GALNT14: variants seen among roughly 807,000 people sequenced by gnomAD.
GALNT14 encodes polypeptide N-acetylgalactosaminyltransferase 14, also known as UDP-GalNAc:polypeptide N-acetylgalactosaminyltransferase 14.
Under a neutral mutation model 77.5 loss-of-function variants are expected in GALNT14, and 60 were observed. The observed-to-expected ratio is 0.77, with a 90% CI of 0.63 to 0.96. The LOEUF (loss-of-function observed/expected upper bound fraction) is 0.96. GALNT14 is among the 40% of genes least tolerant of loss of function. The probability of loss-of-function intolerance (pLI) is 0.00; values close to 1 mark genes in which losing one functional copy is unlikely to be tolerated. For missense variants in GALNT14, 710 were observed against 731.0 expected, an observed-to-expected ratio of 0.97 and a Z score of 0.33; for synonymous variants, 280 against 281.7, an observed-to-expected ratio of 0.99 and a Z score of 0.06.
At chr2:31,024,324 C>T (rs913825828) in intron 1 of GALNT14, among the ~76,000 whole-genome samples, 48 of 152,086 alleles carry the variant, frequency 3.2e-4, no homozygotes, top group African/African-American at 1.1e-3. Flanking sequence ...CATCTTGGCT[C>T]AAAACCTTCT....
intron 1 of GALNT14, among the ~76,000 whole-genome samples, chr2:31,017,617 T>G (rs1212041747): frequency 6.6e-6 from 1 of 152,024 alleles, no homozygotes; most frequent in Non-Finnish European, 1.5e-5. Context: ...CACTACTCCC[T>G]GGGGGCCCAC....
At chr2:30,901,484 C>A in the GALNT14 span, among the ~76,000 whole-genome samples, 1 of 149,694 alleles carries the variant, frequency 6.7e-6, no homozygotes, top group East Asian at 2.0e-4. Flanking sequence ...CACAAACACA[C>A]AACATATATA....
At chr2:30,941,116 G>A (rs1666352724) in intron 9 of GALNT14, among the ~76,000 whole-genome samples, 1 of 152,236 alleles carries the variant, frequency 6.6e-6, no homozygotes, top group Admixed American at 6.5e-5. Context: ...GCTGGGATGT[G>A]CCCCATGGAT....
intron 1 of GALNT14, among the ~76,000 whole-genome samples, chr2:31,071,381 T>C (rs1675353023): frequency 6.6e-6 from 1 of 152,178 alleles, no homozygotes; most frequent in Non-Finnish European, 1.5e-5. Flanking sequence ...CATCAGAGCA[T>C]CCAGAGGATA....
chr2:30,968,768 C>T (rs556711104), intron 2 of GALNT14, among the ~76,000 whole-genome samples: 1 of 152,176 alleles, frequency 6.6e-6, no homozygotes, highest in Non-Finnish European at 1.5e-5. Context: ...TGTTTTACAC[C>T]ACAAAGTTTA....
chr2:30,988,544 G>A (rs1297079446), intron 2 of GALNT14, among the ~76,000 whole-genome samples: 1 of 152,038 alleles, frequency 6.6e-6, no homozygotes, highest in Non-Finnish European at 1.5e-5. Flanking sequence ...CAGAAGTCAT[G>A]TCAGTGGAGA....
chr2:30,996,557 C>T (rs1037794097), intron 1 of GALNT14, among the ~76,000 whole-genome samples: 9 of 152,178 alleles, frequency 5.9e-5, no homozygotes, highest in African/African-American at 2.2e-4. Context: ...GGCCTCACCC[C>T]CCCTCTACTC....
intron 1 of GALNT14, among the ~76,000 whole-genome samples, chr2:31,057,058 G>C (rs149645355): frequency 0.021 from 3,230 of 152,126 alleles, 108 homozygotes; most frequent in African/African-American, 0.073. Context: ...TGTTCTCACT[G>C]ATAAGTGGGA....
In GALNT14 at chr2:30,912,204, G is replaced by A; in HGVS notation, c.1500+19C>T. 1.2e-6 allele frequency: 2 copies of A among 1,613,568 alleles called. No individual in the cohort carries two copies. The highest frequency in any genetic ancestry group is 1.7e-6 in the Non-Finnish European group (2 of 1,179,774). On this transcript the variant is annotated intron_variant, in intron 14 of 14. Transcript: ENST00000349752. The stretch of plus-strand genomic sequence containing the variant: ...CATTACGGAGTTGGCCACATCCCAG[G>A]GACCTGCTGAGCACTTACCTGTCGG...
the GALNT14 span, among the ~76,000 whole-genome samples, chr2:30,888,676 G>A: frequency 6.6e-6 from 1 of 152,090 alleles, no homozygotes; most frequent in Non-Finnish European, 1.5e-5. Context: ...CTGAAAGGAG[G>A]AGAATAAGCC....
intron 11 of GALNT14, among the ~76,000 whole-genome samples, chr2:30,926,804 G>A (rs80115169): frequency 0.025 from 3,793 of 152,140 alleles, 178 homozygotes; most frequent in African/African-American, 0.085. Context: ...AGTCCAGGGT[G>A]CAAGGAAGTC....
At chr2:31,067,701 C>T (rs1231118451) in intron 1 of GALNT14, among the ~76,000 whole-genome samples, 1 of 152,170 alleles carries the variant, frequency 6.6e-6, no homozygotes, top group African/African-American at 2.4e-5. Context: ...AAAAATAAAC[C>T]TCTGTCACTT....
intron 1 of GALNT14, among the ~76,000 whole-genome samples, chr2:31,038,727 A>T (rs1672917256): frequency 6.7e-6 from 1 of 149,764 alleles, no homozygotes; most frequent in African/African-American, 2.5e-5. Context: ...GAAGCTCTTT[A>T]TTCTTAGTGA....
At chr2:30,916,219 C>T (rs1306872010) in intron 13 of GALNT14, among the ~76,000 whole-genome samples, 1 of 152,218 alleles carries the variant, frequency 6.6e-6, no homozygotes, top group East Asian at 1.9e-4. Flanking sequence ...TGCACACTCA[C>T]ACGTAGACAA....
At chr2:31,113,585 GT>G (rs1290034325) in intron 1 of GALNT14, among the ~76,000 whole-genome samples, 1 of 152,106 alleles carries the variant, frequency 6.6e-6, no homozygotes, top group African/African-American at 2.4e-5. Context: ...ATTCCTTCTG[GT>G]GCTGCAAGGA....
At chr2:31,065,665 C>T (rs922989626) in intron 1 of GALNT14, among the ~76,000 whole-genome samples, 6 of 152,124 alleles carry the variant, frequency 3.9e-5, no homozygotes, top group Admixed American at 2.0e-4. Context: ...CTCAGATTTG[C>T]AGACTGTATT....
chr2:30,971,303 A>G (rs1361018651), intron 2 of GALNT14, among the ~76,000 whole-genome samples: 2 of 152,118 alleles, frequency 1.3e-5, no homozygotes, highest in Admixed American at 1.3e-4. Flanking sequence ...AAGTACGTTG[A>G]TAATTTATTA....
At chr2:30,935,988 G>A (rs2148264614) in intron 9 of GALNT14, among the ~76,000 whole-genome samples, 1 of 152,210 alleles carries the variant, frequency 6.6e-6, no homozygotes, top group South Asian at 2.1e-4. Context: ...GAGTTTGCTG[G>A]GGGTTCTTGC....
intron 9 of GALNT14, among the ~76,000 whole-genome samples, chr2:30,939,016 A>C (rs533693236): frequency 2.0e-5 from 3 of 152,254 alleles, no homozygotes; most frequent in African/African-American, 7.2e-5. Context: ...CCTCATATAT[A>C]TTGCCCTTCC....
Sources: allele counts gnomAD v4.1 joint callset (sites outside exome capture counted in the v4.1 genomes callset), GRCh38; gene constraint gnomAD v4.1.1; transcripts MANE v1.5; gene names NCBI Gene and HGNC (gene_info 2026-07-23, HGNC 2026-07-21).